FHIT: variants seen among roughly 807,000 people sequenced by gnomAD.
The protein encoded by FHIT is bis(5'-adenosyl)-triphosphatase.
A neutral mutation model predicts 17.9 loss-of-function variants in FHIT; 19 were observed. The observed-to-expected ratio is 1.06, with a 90% CI of 0.74 to 1.56. The LOEUF is 1.56. Ranked by LOEUF, FHIT falls within the 40% of genes most tolerant of loss-of-function variation. FHIT has a pLI of 0.00. For missense variants in FHIT, 248 were observed against 189.2 expected, an observed-to-expected ratio of 1.31 and a Z score of -1.82; for synonymous variants, 81 against 69.7, an observed-to-expected ratio of 1.16 and a Z score of -0.81.
At chr3:60,790,026 C>T (rs1700721752) in intron 4 of FHIT, among the ~76,000 whole-genome samples, 1 of 152,088 alleles carries the variant, frequency 6.6e-6, no homozygotes, top group South Asian at 2.1e-4. Context: ...GAATTAAAGA[C>T]AATTTACATA....
intron 2 of FHIT, among the ~76,000 whole-genome samples, chr3:61,048,355 C>A (rs932303457): frequency 6.6e-6 from 1 of 152,182 alleles, no homozygotes; most frequent in African/African-American, 2.4e-5. Context: ...GACATTTATG[C>A]AGCCAACAGA....
At chr3:59,910,898 G>GA (rs201072501) in intron 8 of FHIT, among the ~76,000 whole-genome samples, 13 of 151,820 alleles carry the variant, frequency 8.6e-5, no homozygotes, top group African/African-American at 2.4e-4. Context: ...AAAAAAGAAG[G>GA]AAAAAAAATT....
intron 7 of FHIT, among the ~76,000 whole-genome samples, chr3:59,985,375 T>C (rs1036321476): frequency 6.6e-6 from 1 of 152,130 alleles, no homozygotes; most frequent in Non-Finnish European, 1.5e-5. Context: ...TGTAAAACCT[T>C]AGAGTATTAT....
intron 3 of FHIT, among the ~76,000 whole-genome samples, chr3:60,903,147 T>C (rs1338848346): frequency 6.6e-6 from 1 of 152,188 alleles, no homozygotes; most frequent in Non-Finnish European, 1.5e-5. Context: ...GTATGATTAT[T>C]ATACACACAA....
intron 5 of FHIT, among the ~76,000 whole-genome samples, chr3:60,071,969 G>A (rs1354372349): frequency 6.6e-6 from 1 of 152,152 alleles, no homozygotes; most frequent in East Asian, 1.9e-4. Flanking sequence ...ATGATTATGA[G>A]GCTTCCTCAG....
At chr3:60,508,947 G>A (rs2034840285) in intron 5 of FHIT, among the ~76,000 whole-genome samples, 1 of 152,112 alleles carries the variant, frequency 6.6e-6, no homozygotes, top group Non-Finnish European at 1.5e-5. Context: ...TAGTATAAAT[G>A]TACAGACACA....
chr3:59,856,178 A>G (rs111904942), intron 8 of FHIT, among the ~76,000 whole-genome samples: 8,512 of 152,326 alleles, frequency 0.056, 310 homozygotes, highest in Non-Finnish European at 0.08. Flanking sequence ...GGCTATTGTC[A>G]ACAACTATCT....
At chr3:60,164,661 T>C (rs988759185) in intron 5 of FHIT, among the ~76,000 whole-genome samples, 1 of 152,048 alleles carries the variant, frequency 6.6e-6, no homozygotes, top group Non-Finnish European at 1.5e-5. Flanking sequence ...CCTATAAAGC[T>C]GTCAGGTTAA....
chr3:59,781,179 C>A (rs1222256802), intron 8 of FHIT, among the ~76,000 whole-genome samples: 1 of 152,146 alleles, frequency 6.6e-6, no homozygotes, highest in Non-Finnish European at 1.5e-5. Context: ...CCTAGAATGA[C>A]CTGTAACATC....
chr3:60,663,254 G>C (rs1367451369), intron 4 of FHIT, among the ~76,000 whole-genome samples: 2 of 146,604 alleles, frequency 1.4e-5, no homozygotes, highest in Non-Finnish European at 3.0e-5. Context: ...CATATAAATG[G>C]AGATCAAATA....
intron 5 of FHIT, among the ~76,000 whole-genome samples, chr3:60,200,067 A>T (rs1017338477): frequency 2.6e-5 from 4 of 152,110 alleles, no homozygotes; most frequent in African/African-American, 9.7e-5. Flanking sequence ...AAAGTGAGTG[A>T]CCTAGAGAAC....
intron 5 of FHIT, among the ~76,000 whole-genome samples, chr3:60,173,220 C>T (rs1187173408): frequency 6.6e-6 from 1 of 152,152 alleles, no homozygotes; most frequent in Non-Finnish European, 1.5e-5. Flanking sequence ...GATTATGCAG[C>T]AGGGACCCAC....
chr3:60,122,483 G>A (rs4622857), intron 5 of FHIT, among the ~76,000 whole-genome samples: 22,943 of 152,082 alleles, frequency 0.15, 1,839 homozygotes, highest in South Asian at 0.21. Context: ...CTTGGAACTC[G>A]AACAGGAGGT....
intron 4 of FHIT, among the ~76,000 whole-genome samples, chr3:60,558,935 G>A (rs938263904): frequency 5.3e-5 from 8 of 152,136 alleles, no homozygotes; most frequent in South Asian, 2.1e-4. Flanking sequence ...GTGATAATAC[G>A]TGTATCTTCC....
At chr3:59,892,278 GT>G (rs1392157219) in intron 8 of FHIT, among the ~76,000 whole-genome samples, 1 of 152,198 alleles carries the variant, frequency 6.6e-6, no homozygotes, top group East Asian at 1.9e-4. Flanking sequence ...GCGCTCAGGA[GT>G]CCAGTTCCCA....
chr3:60,293,151 ATTAT>A (rs1351452184), intron 5 of FHIT, among the ~76,000 whole-genome samples: 1 of 152,134 alleles, frequency 6.6e-6, no homozygotes, highest in Non-Finnish European at 1.5e-5. Flanking sequence ...GTTTATAGTT[ATTAT>A]TTCTTTCCCA....
At chr3:60,603,772 C>T (rs2038519402) in intron 4 of FHIT, among the ~76,000 whole-genome samples, 1 of 152,116 alleles carries the variant, frequency 6.6e-6, no homozygotes, top group African/African-American at 2.4e-5. Context: ...GTGAATGATA[C>T]GTAAGAATGA....
chr3:60,812,894 C>T (rs1033653827), intron 4 of FHIT, among the ~76,000 whole-genome samples: 4 of 152,040 alleles, frequency 2.6e-5, no homozygotes, highest in Admixed American at 6.6e-5. Context: ...CCTCTTAGAG[C>T]CATAGATTCT....
At chr3:60,977,207 T>A (rs1559881779) in intron 3 of FHIT, among the ~76,000 whole-genome samples, 1 of 152,180 alleles carries the variant, frequency 6.6e-6, no homozygotes. Context: ...TGTAAGCTAA[T>A]TTTCACTGTT....
Sources: gnomAD v4.1 joint callset for allele counts (sites outside exome capture counted in the v4.1 genomes callset) on GRCh38, gnomAD v4.1.1 for gene constraint, MANE v1.5 for transcripts, NCBI Gene and HGNC (gene_info 2026-07-23, HGNC 2026-07-21) for gene names.